Variants in NELFCD observed in about 807,000 individuals in gnomAD.
NELFCD encodes negative elongation factor complex member C/D.
In NELFCD, 48 loss-of-function variants were observed where a neutral mutation model predicts 72.9. That is an observed-to-expected ratio of 0.66 (90% CI 0.52 to 0.84). The LOEUF (loss-of-function observed/expected upper bound fraction) is 0.84. Ranked by LOEUF, NELFCD falls within the 40% of genes least tolerant of loss-of-function variation. The pLI is 0.00. For missense variants in NELFCD, 538 were observed against 723.8 expected, an observed-to-expected ratio of 0.74 and a Z score of 2.94; for synonymous variants, 297 against 280.6, an observed-to-expected ratio of 1.06 and a Z score of -0.59.
intron 1 of NELFCD, among the ~76,000 whole-genome samples, chr20:58,985,776 C>T (rs925459551): frequency 6.6e-6 from 1 of 152,090 alleles, no homozygotes; most frequent in Admixed American, 6.5e-5. Flanking sequence ...TCACAACAGC[C>T]AAATGGGAAT....
At chr20:58,985,372 G>C (rs2091764392) in intron 1 of NELFCD, among the ~76,000 whole-genome samples, 1 of 152,226 alleles carries the variant, frequency 6.6e-6, no homozygotes, top group Non-Finnish European at 1.5e-5. Context: ...GATGAGCATA[G>C]TGCAGACTGA....
At position 58,989,588 on chromosome 20, in the gene NELFCD, C is replaced by G; in HGVS notation, c.605C>G (p.Thr202Arg). The change falls in exon 6 of 15, where the codon ACA becomes AGA. Residue 202 changes from threonine (T) to arginine (R), a missense_variant. Coordinates refer to ENST00000652272, the MANE Select transcript of NELFCD (RefSeq NM_198976.4). ...AGAGTGCTCCGGACCTCTCTAGCTA[C>G]AATTTTAGATGGAGGAGAAGAAAAC... ...FSRVLRTSLATILDGGEENLE... is the reference protein window; with the variant it reads ...FSRVLRTSLARILDGGEENLE... 1 of 1,614,138 alleles carries G rather than the reference C, an allele frequency of 6.2e-7. No homozygotes were observed. Among genetic ancestry groups the G allele is most frequent in the Non-Finnish European group, 8.5e-7 (1 of 1,180,020 alleles).
intron 1 of NELFCD, among the ~76,000 whole-genome samples, chr20:58,984,019 G>A (rs1168050875): frequency 1.3e-5 from 2 of 152,128 alleles, no homozygotes; most frequent in Non-Finnish European, 2.9e-5. Context: ...GTTAGGAAAG[G>A]TGTTAGGAGG....
intron 10 of NELFCD, 22 bp from the exon 11 acceptor site, chr20:58,992,976 A>G: frequency 6.5e-7 from 1 of 1,544,496 alleles, no homozygotes; most frequent in Non-Finnish European, 9.0e-7. Context: ...TTTTTAAAGG[A>G]AGCATTCTGC....
In NELFCD at chr20:58,994,138, C is replaced by T; in HGVS notation, c.1610C>T (p.Thr537Ile). 1 of 1,614,168 alleles carries T rather than the reference C, an allele frequency of 6.2e-7. No homozygotes were observed. The highest frequency in any genetic ancestry group is 8.5e-7 in the Non-Finnish European group (1 of 1,179,994). The change falls in exon 14 of 15, where the codon ACC becomes ATC. Residue 537 changes from threonine to isoleucine, a missense_variant. By Grantham distance (89) the Thr-to-Ile change is moderately conservative. Around this residue, in one of 3 missense-constraint regions of NELFCD, gnomAD observed 136 missense variants for 154.0 expected, o/e 0.88. Transcript: ENST00000652272. ...CTGGACGTCATTGCTCCTCCTTATA[C>T]CTCTGACTTCGTGCAACTTTTCCTC... ...EVLDVIAPPY[T>I]SDFVQLFLPI...
chr20:58,992,731 CA>C (rs1232787702), intron 10 of NELFCD, among the ~76,000 whole-genome samples: 2 of 150,428 alleles, frequency 1.3e-5, no homozygotes, highest in South Asian at 4.2e-4. Context: ...CCTCTCTCTA[CA>C]AAAAATTAGC....
At chr20:58,981,441 C>G in intron 1 of NELFCD, 72 bp downstream of exon 1, 8 of 638,246 alleles carry the variant, frequency 1.3e-5, no homozygotes, top group Non-Finnish European at 1.6e-5. Context: ...GCCCCACTCC[C>G]GGAGAGGCCG....
intron 4 of NELFCD, among the ~76,000 whole-genome samples, chr20:58,988,241 C>T (rs766348068): frequency 6.6e-6 from 1 of 152,198 alleles, no homozygotes; most frequent in Non-Finnish European, 1.5e-5. Flanking sequence ...TGCAGTCTGA[C>T]CCTTGAGGGC....
In NELFCD at chr20:58,986,506, T is replaced by A. The variant is rs2091773590; in HGVS notation, c.177-248T>A. ...AGGCGTCTGCCATCATGCCTGGCTA[T>A]TTTTGTTTTTGTTTTTTGGGAGAGA... On this transcript the variant is annotated intron_variant, in intron 2 of 14. Coordinates refer to ENST00000652272, the MANE Select transcript of NELFCD (RefSeq NM_198976.4). The surrounding 1 kb of genome is among the most constrained non-coding windows in gnomAD (Gnocchi z 4.4). 7.2e-6 allele frequency: 4 copies of A among 552,854 alleles called. No individual in the cohort carries two copies. The highest frequency in any genetic ancestry group is 1.3e-5 in the Non-Finnish European group (4 of 315,050). The allele number at this position is 552,854 out of a possible 1,614,324, so 34.2% of individuals were successfully genotyped here. A position where few individuals can be genotyped will look rare whatever the true frequency, so the allele number is the denominator to read the frequency against.
In NELFCD at chr20:58,981,265, G is replaced by C; in HGVS notation, c.-45G>C. The C allele has an allele frequency of 9.6e-7, 1 of 1,040,208 alleles. No homozygotes were observed. Among genetic ancestry groups the C allele is most frequent in the Non-Finnish European group, 1.2e-6 (1 of 866,024 alleles). 64.4% of individuals were successfully genotyped at this position (1,040,208 alleles called of 1,614,324 possible). A position where few individuals can be genotyped will look rare whatever the true frequency, so the allele number is the denominator to read the frequency against. On this transcript the variant is annotated 5_prime_UTR_variant, in exon 1 of 15. Coordinates refer to ENST00000652272, the MANE Select transcript of NELFCD (RefSeq NM_198976.4). Reference sequence around the variant, plus strand: ...CGTCCCCGCCTCGCGCATGCGCCGCGCTCGCTCGCGGGAGGGCATGGCGGG... The same window carrying C: ...CGTCCCCGCCTCGCGCATGCGCCGCCCTCGCTCGCGGGAGGGCATGGCGGG...
At chr20:58,983,673 G>T (rs767571562) in intron 1 of NELFCD, among the ~76,000 whole-genome samples, 9 of 152,084 alleles carry the variant, frequency 5.9e-5, no homozygotes, top group Non-Finnish European at 4.4e-5. Flanking sequence ...TAATCTGCCC[G>T]CCTCCGCCTC....
intron 10 of NELFCD, among the ~76,000 whole-genome samples, chr20:58,992,548 GCTT>G: frequency 6.6e-6 from 1 of 152,306 alleles, no homozygotes. Context: ...ATTGAACTCT[GCTT>G]CTTGCACCGC....
rs372830513 is a variant in NELFCD, at chr20:58,991,066, G to A, written c.945G>A (p.Pro315=). 113 of 1,612,938 alleles carry A rather than the reference G, an allele frequency of 7.0e-5. No homozygotes were observed. The highest frequency in any genetic ancestry group is 9.3e-5 in the Non-Finnish European group (110 of 1,179,412). The change falls in exon 8 of 15, where the codon CCG becomes CCA. Residue 315 remains proline, a synonymous_variant. Coordinates refer to ENST00000652272, the MANE Select transcript of NELFCD (RefSeq NM_198976.4). ...TGTTCACAAGCATGGACCCTCCTCCGGTTGAACTTGTAAGTTGCTTCTCAA... is the reference window on the plus strand; with the variant it reads ...TGTTCACAAGCATGGACCCTCCTCCAGTTGAACTTGTAAGTTGCTTCTCAA... The part of the protein sequence containing the change: ...FKMFTSMDPP[P]VELIRVPAFL...
rs1010752016 is a variant in NELFCD, at chr20:58,994,944, C to T, written c.*268C>T. Reference sequence around the variant, plus strand: ...CCTCAAGGCAGGCGCTGGGCTCCCACGACCCCTCAGGACAGATCTGGCCGT... The same window carrying T: ...CCTCAAGGCAGGCGCTGGGCTCCCATGACCCCTCAGGACAGATCTGGCCGT... On this transcript the variant is annotated 3_prime_UTR_variant, in exon 15 of 15. Transcript: ENST00000652272. 1.2e-5 allele frequency: 6 copies of T among 482,816 alleles called. No homozygotes were observed. Among genetic ancestry groups the T allele is most frequent in the East Asian group, 3.7e-5 (1 of 26,706 alleles). The allele number at this position is 482,816 out of a possible 1,614,324, so 29.9% of individuals were successfully genotyped here. A position where few individuals can be genotyped will look rare whatever the true frequency, so the allele number is the denominator to read the frequency against.
At chr20:58,988,097 T>TG in intron 4 of NELFCD, 1 of 394,078 alleles carries the variant, frequency 2.5e-6, no homozygotes, top group South Asian at 3.1e-5. Flanking sequence ...GCACAGCCCT[T>TG]GGAGTGTTGT....
In NELFCD at chr20:58,991,200, ACT is replaced by A. The variant is rs771794613; in HGVS notation, c.955-107_955-106del. 2.9e-4 allele frequency: 459 copies of A among 1,558,004 alleles called. 1 individual carries two copies. The highest frequency in any genetic ancestry group is 3.4e-4 in the Non-Finnish European group (387 of 1,139,432). ...ATTGTCCTGGTCCTTCCTCAGTCAC[ACT>A]CTCTGCCTGGAGCCTGTTGGGCCCC... On this transcript the variant is annotated intron_variant, in intron 8 of 14. Transcript: ENST00000652272.
Position 58,991,085 on chromosome 20 carries a change from T to C in NELFCD, c.954+10T>C. On this transcript the variant is annotated intron_variant, in intron 8 of 14. Transcript: ENST00000652272. Reference sequence around the variant, plus strand: ...TCCTCCGGTTGAACTTGTAAGTTGCTTCTCAAGAATCCCCAATGTCAGCTG... The same window carrying C: ...TCCTCCGGTTGAACTTGTAAGTTGCCTCTCAAGAATCCCCAATGTCAGCTG... 2 of 1,610,786 alleles carry C rather than the reference T, an allele frequency of 1.2e-6. No individual in the cohort carries two copies. The highest frequency in any genetic ancestry group is 1.7e-6 in the Non-Finnish European group (2 of 1,177,532).
chr20:58,983,035 G>A (rs991375482), intron 1 of NELFCD, among the ~76,000 whole-genome samples: 9 of 151,892 alleles, frequency 5.9e-5, no homozygotes, highest in African/African-American at 2.2e-4. Context: ...TTGCCACTTC[G>A]TCAAATTGCT....
At chr20:58,990,115 G>T in intron 7 of NELFCD, 127 bp downstream of exon 7, 3 of 1,313,244 alleles carry the variant, frequency 2.3e-6, no homozygotes, top group Non-Finnish European at 3.1e-6. Context: ...ACTTGCTTTT[G>T]GCTGGGCGTG....
Sources: allele counts gnomAD v4.1 joint callset (sites outside exome capture counted in the v4.1 genomes callset), GRCh38; gene constraint gnomAD v4.1.1; regional missense constraint gnomAD v4.1.1; non-coding constraint Gnocchi (gnomAD v3.1); transcripts MANE v1.5; gene names NCBI Gene and HGNC (gene_info 2026-07-23, HGNC 2026-07-21).